The following TASP1 variants were observed in gnomAD, a reference collection of about 807,000 sequenced individuals.
TASP1 encodes the protein threonine aspartase 1.
In TASP1, 16 loss-of-function variants were observed where a neutral mutation model predicts 56.6. That is an observed-to-expected ratio of 0.28 (90% CI 0.19 to 0.43). The LOEUF (loss-of-function observed/expected upper bound fraction) is 0.43, where lower values mean the gene tolerates loss of function less well. Among genes scored for constraint, TASP1 ranks in the 20% least tolerant of loss-of-function variants. The pLI is 1.00. For missense variants in TASP1, 393 were observed against 511.6 expected (o/e 0.77, Z 2.24); for synonymous variants, 179 against 184.2 (o/e 0.97, Z 0.23).
At chr20:13,471,448 T>C (rs553857543) in intron 11 of TASP1, among the ~76,000 whole-genome samples, 20 of 152,214 alleles carry the variant, frequency 1.3e-4, no homozygotes, top group Non-Finnish European at 2.8e-4. Flanking sequence ...CTTATTGGCA[T>C]GTAATTCCAT....
At chr20:13,122,338 A>G in the TASP1 span, among the ~76,000 whole-genome samples, 3 of 152,356 alleles carry the variant, frequency 2.0e-5, no homozygotes, top group Non-Finnish European at 4.4e-5. Context: ...TGAGTAGATC[A>G]GGAACTCCCC....
At chr20:13,229,559 A>C in the TASP1 span, among the ~76,000 whole-genome samples, 3 of 152,210 alleles carry the variant, frequency 2.0e-5, no homozygotes, top group African/African-American at 4.8e-5. Flanking sequence ...CAATTTGTAT[A>C]TCCCCATCAA....
chr20:13,275,167 C>G, the TASP1 span, among the ~76,000 whole-genome samples: 2 of 152,108 alleles, frequency 1.3e-5, no homozygotes, highest in African/African-American at 4.8e-5. Context: ...TTCATTTCAA[C>G]CCATATATTT....
chr20:13,316,599 G>A, the TASP1 span, among the ~76,000 whole-genome samples: 3 of 151,698 alleles, frequency 2.0e-5, no homozygotes, highest in African/African-American at 7.3e-5. Flanking sequence ...ATGACCAAGT[G>A]GGATTTATCC....
chr20:13,117,204 C>CA, the TASP1 span, among the ~76,000 whole-genome samples: 1 of 152,186 alleles, frequency 6.6e-6, no homozygotes, highest in African/African-American at 2.4e-5. Flanking sequence ...AGTCTAGTTA[C>CA]ACCAGTTGGC....
rs114340581 is a variant in TASP1 at position 13,509,078 on chromosome 20, G to A, written c.874+19355C>T. Among the ~76,000 whole-genome samples the A allele has an allele frequency of 5.1e-3, 769 of 151,434 alleles. 4 individuals carry two copies. The highest frequency in any genetic ancestry group is 0.012 in the East Asian group (60 of 5,146). On this transcript the variant is annotated intron_variant, in intron 10 of 13. Transcript: ENST00000337743. ...CATTATTCACAATAGCCAAGATATG[G>A]AAACTACCTAAGTGTCTATCAATGA...
the TASP1 span, among the ~76,000 whole-genome samples, chr20:13,354,689 A>G: frequency 6.6e-6 from 1 of 152,230 alleles, no homozygotes; most frequent in African/African-American, 2.4e-5. Context: ...GTGGAAATCC[A>G]GAAATGGAGA....
chr20:13,156,345 C>T, the TASP1 span, among the ~76,000 whole-genome samples: 3 of 152,060 alleles, frequency 2.0e-5, no homozygotes, highest in Non-Finnish European at 2.9e-5. Context: ...GAGAAGAGTC[C>T]GTAAGTAGTG....
the TASP1 span, among the ~76,000 whole-genome samples, chr20:13,348,648 G>A: frequency 6.6e-6 from 1 of 152,156 alleles, no homozygotes; most frequent in Non-Finnish European, 1.5e-5. Flanking sequence ...ATGCCAGGGA[G>A]CATCTAGTTC....
chr20:13,259,007 G>A, the TASP1 span, among the ~76,000 whole-genome samples: 1 of 152,316 alleles, frequency 6.6e-6, no homozygotes, highest in South Asian at 2.1e-4. Flanking sequence ...TCTGGGCCGG[G>A]CGCAATGGCT....
the TASP1 span, among the ~76,000 whole-genome samples, chr20:13,312,825 A>T: frequency 6.6e-6 from 1 of 152,188 alleles, no homozygotes; most frequent in Non-Finnish European, 1.5e-5. Context: ...CATGATCACA[A>T]GAGTAGATCC....
At chr20:13,115,783 G>C in the TASP1 span, among the ~76,000 whole-genome samples, 1 of 152,094 alleles carries the variant, frequency 6.6e-6, no homozygotes, top group East Asian at 1.9e-4. Context: ...GCCCATCATG[G>C]ATCAGGTAGT....
At chr20:13,371,077 G>C in the TASP1 span, among the ~76,000 whole-genome samples, 14 of 151,928 alleles carry the variant, frequency 9.2e-5, no homozygotes, top group Admixed American at 6.6e-5. Context: ...GGCCGTTCTA[G>C]CTAACAGTTT....
At chr20:13,158,576 A>T in the TASP1 span, among the ~76,000 whole-genome samples, 1 of 152,200 alleles carries the variant, frequency 6.6e-6, no homozygotes, top group African/African-American at 2.4e-5. Context: ...ATGAGCTCTC[A>T]TTCTGTGCAG....
At chr20:13,546,117 G>T (rs1185941419) in intron 8 of TASP1, among the ~76,000 whole-genome samples, 5 of 151,742 alleles carry the variant, frequency 3.3e-5, no homozygotes, top group Admixed American at 3.3e-4. Flanking sequence ...CATTCTCTAA[G>T]ATCTATTTAA....
chr20:13,512,282 C>T (rs909592518), intron 10 of TASP1, among the ~76,000 whole-genome samples: 4 of 151,976 alleles, frequency 2.6e-5, no homozygotes, highest in South Asian at 2.1e-4. Flanking sequence ...TTCCTGACTT[C>T]TTAATGATCA....
At chr20:13,346,477 C>T in the TASP1 span, among the ~76,000 whole-genome samples, 2 of 152,186 alleles carry the variant, frequency 1.3e-5, no homozygotes, top group Non-Finnish European at 2.9e-5. Flanking sequence ...CCAGTTGAGC[C>T]CACAGCCAAT....
intron 10 of TASP1, among the ~76,000 whole-genome samples, chr20:13,510,724 C>T (rs1175235652): frequency 6.6e-6 from 1 of 152,132 alleles, no homozygotes; most frequent in Non-Finnish European, 1.5e-5. Flanking sequence ...CATTCAGGCC[C>T]TGTTTGACCT....
intron 7 of TASP1, among the ~76,000 whole-genome samples, chr20:13,560,040 A>G (rs561199683): frequency 6.6e-6 from 1 of 152,360 alleles, no homozygotes; most frequent in East Asian, 1.9e-4. Context: ...GCAAGATGAT[A>G]AACTGACTAG....
Sources: gnomAD v4.1 joint callset for allele counts (sites outside exome capture counted in the v4.1 genomes callset) on GRCh38, gnomAD v4.1.1 for gene constraint, MANE v1.5 for transcripts, NCBI Gene and HGNC (gene_info 2026-07-23, HGNC 2026-07-21) for gene names.